WDPCP: variants seen among roughly 807,000 people sequenced by gnomAD.
WDPCP encodes the protein WD repeat containing planar cell polarity effector, also known as WD repeat-containing and planar cell polarity effector protein fritz homolog.
Under a neutral mutation model 93.1 loss-of-function variants are expected in WDPCP, and 71 were observed. That is an observed-to-expected ratio of 0.76 (90% CI 0.63 to 0.93). The LOEUF (loss-of-function observed/expected upper bound fraction) is 0.93, where lower values mean the gene tolerates loss of function less well. WDPCP is among the 40% of genes least tolerant of loss of function. The probability of loss-of-function intolerance (pLI) is 0.00; values close to 1 mark genes in which losing one functional copy is unlikely to be tolerated. For missense variants in WDPCP, 844 were observed against 887.4 expected, an observed-to-expected ratio of 0.95 and a Z score of 0.62; for synonymous variants, 315 against 315.0, an observed-to-expected ratio of 1.00 and a Z score of 0.00.
intron 2 of WDPCP, among the ~76,000 whole-genome samples, chr2:63,781,639 C>T (rs1487953366): frequency 2.6e-5 from 4 of 152,044 alleles, no homozygotes; most frequent in Non-Finnish European, 4.4e-5. Flanking sequence ...ACAACAGAAA[C>T]GAAACAATCT....
intron 14 of WDPCP, among the ~76,000 whole-genome samples, chr2:63,186,779 A>G (rs181303881): frequency 3.3e-5 from 5 of 149,520 alleles, no homozygotes; most frequent in Admixed American, 2.7e-4. Context: ...AAAGAGCACT[A>G]TATGACTGTG....
intron 12 of WDPCP, among the ~76,000 whole-genome samples, chr2:63,326,444 C>T (rs572940635): frequency 1.2e-4 from 19 of 152,144 alleles, no homozygotes; most frequent in Middle Eastern, 6.8e-3. Context: ...GAGGGACCAG[C>T]GCCCAGTTAG....
At chr2:63,349,379 A>T (rs1320937603) in intron 12 of WDPCP, among the ~76,000 whole-genome samples, 1 of 152,100 alleles carries the variant, frequency 6.6e-6, no homozygotes, top group African/African-American at 2.4e-5. Context: ...ATTTTCTTTT[A>T]ATTTTATTTT....
intron 3 of WDPCP, chr2:63,595,130 A>G (rs1449436617): frequency 2.3e-6 from 1 of 430,792 alleles, no homozygotes; most frequent in Non-Finnish European, 4.3e-6. Context: ...GCTATTAACA[A>G]TAAGAGCAAG....
At chr2:63,364,244 G>C (rs1690715383) in intron 12 of WDPCP, among the ~76,000 whole-genome samples, 1 of 152,004 alleles carries the variant, frequency 6.6e-6, no homozygotes, top group Non-Finnish European at 1.5e-5. Flanking sequence ...ATTATTCTCT[G>C]AAGACTTACA....
At position 63,285,257 on chromosome 2, in the gene WDPCP, C is replaced by T. The variant is rs1201515883; in HGVS notation, c.1813-25848G>A. 3.9e-5 allele frequency among the ~76,000 whole-genome samples: 6 copies of T among 152,068 alleles called. No individual in the cohort carries two copies. The South Asian group carries it at 6.2e-4, about 16-fold the overall frequency. On this transcript the variant is annotated intron_variant, in intron 13 of 17. Transcript: ENST00000272321. ...TATCCTGGCTAACATGCTGAAACCC[C>T]GGCTCTACTAAAAATGCAAAAACAA...
Position 63,810,973 on chromosome 2 carries a change from G to A in WDPCP, n.308+2649C>T, listed in dbSNP as rs568487739. Among the ~76,000 whole-genome samples the A allele has an allele frequency of 3.0e-4, 45 of 152,332 alleles. No homozygotes were observed. The South Asian group carries it at 5.6e-3, about 19-fold the overall frequency. On this transcript the variant is annotated intron_variant and non_coding_transcript_variant, in intron 2 of 4. Coordinates refer to the WDPCP transcript ENST00000467687. ...ACAATTGTAAGAAAATAGGAGACAA[G>A]TGAGAAAAACCAGCAAAATTGCCAA... is the stretch of plus-strand genomic sequence containing the variant.
At chr2:63,675,368 T>C (rs1051652565) in intron 2 of WDPCP, among the ~76,000 whole-genome samples, 7 of 152,168 alleles carry the variant, frequency 4.6e-5, no homozygotes, top group Non-Finnish European at 8.8e-5. Context: ...TCATACTCTC[T>C]CCATCTGGGC....
chr2:63,315,250 C>T (rs1575122759), intron 12 of WDPCP, among the ~76,000 whole-genome samples: 1 of 152,142 alleles, frequency 6.6e-6, no homozygotes, highest in East Asian at 1.9e-4. Context: ...GGGCCATCAC[C>T]CTTAGGAGAT....
chr2:63,383,929 C>A (rs1281790678), intron 10 of WDPCP, among the ~76,000 whole-genome samples: 1 of 152,080 alleles, frequency 6.6e-6, no homozygotes, highest in Non-Finnish European at 1.5e-5. Context: ...AGAGCATATT[C>A]TGAGTAATAT....
upstream of WDPCP, chr2:63,588,847 A>T: frequency 1.5e-6 from 1 of 686,724 alleles, no homozygotes; most frequent in Non-Finnish European, 2.5e-6. Flanking sequence ...GTAGTTCAAC[A>T]CTTGAAGGAA....
At chr2:63,241,686 A>C (rs963497116) in intron 14 of WDPCP, among the ~76,000 whole-genome samples, 5 of 152,010 alleles carry the variant, frequency 3.3e-5, no homozygotes, top group African/African-American at 1.2e-4. Context: ...GTGACCTCAA[A>C]CTCCTGGGCT....
At chr2:63,789,947 T>C (rs146465922) in intron 2 of WDPCP, among the ~76,000 whole-genome samples, 1 of 152,328 alleles carries the variant, frequency 6.6e-6, no homozygotes, top group East Asian at 1.9e-4. Flanking sequence ...TGAATTAGCA[T>C]GTGAATTGTG....
At chr2:63,177,884 T>C (rs1002773067) in intron 14 of WDPCP, among the ~76,000 whole-genome samples, 1 of 152,232 alleles carries the variant, frequency 6.6e-6, no homozygotes, top group South Asian at 2.1e-4. Context: ...TATGTTGGAG[T>C]ATTAATAGTT....
At chr2:63,684,490 C>T (rs1668778044) in intron 2 of WDPCP, 7 of 756,892 alleles carry the variant, frequency 9.2e-6, no homozygotes, top group Admixed American at 5.2e-5. Context: ...AGAAGAAGAT[C>T]GCCAAGAGGT....
At chr2:63,362,274 T>TTTTTTTTTG (rs764194233) in intron 12 of WDPCP, among the ~76,000 whole-genome samples, 1 of 57,980 alleles carries the variant, frequency 1.7e-5, no homozygotes, top group African/African-American at 9.8e-5. Flanking sequence ...TTTTTTTTTT[T>TTTTTTTTTG]GGTTGTGTGT....
intron 1 of WDPCP, among the ~76,000 whole-genome samples, chr2:63,509,901 C>G (rs1257597280): frequency 6.6e-6 from 1 of 152,062 alleles, no homozygotes; most frequent in Non-Finnish European, 1.5e-5. Flanking sequence ...AATCCCTGAA[C>G]AGACCAAAAA....
chr2:63,632,332 T>C (rs1477868567), intron 3 of WDPCP, among the ~76,000 whole-genome samples: 1 of 151,956 alleles, frequency 6.6e-6, no homozygotes, highest in Non-Finnish European at 1.5e-5. Context: ...GGAAACACAA[T>C]ACCACCAGAG....
At chr2:63,510,601 G>T (rs1198679394) in intron 1 of WDPCP, among the ~76,000 whole-genome samples, 2 of 152,158 alleles carry the variant, frequency 1.3e-5, no homozygotes, top group African/African-American at 4.8e-5. Flanking sequence ...GAAAAAGAAA[G>T]AAATAAAGCG....
Sources: gnomAD v4.1 joint callset for allele counts (sites outside exome capture counted in the v4.1 genomes callset) on GRCh38, gnomAD v4.1.1 for gene constraint, MANE v1.5 for transcripts, NCBI Gene and HGNC (gene_info 2026-07-23, HGNC 2026-07-21) for gene names.